Variants in LCORL observed in about 807,000 individuals in gnomAD.
LCORL encodes ligand dependent nuclear receptor corepressor like.
Under a neutral mutation model 141.8 loss-of-function variants are expected in LCORL, and 41 were observed. The observed-to-expected ratio is 0.29, with a 90% CI of 0.23 to 0.38. The LOEUF (loss-of-function observed/expected upper bound fraction) is 0.38. LCORL is among the 10% of genes least tolerant of loss of function. The pLI is 1.00. For missense variants in LCORL, 1,759 were observed against 2,035.0 expected (o/e 0.86, Z 2.61); for synonymous variants, 618 against 694.1 (o/e 0.89, Z 1.72).
intron 5 of LCORL, among the ~76,000 whole-genome samples, chr4:17,899,062 G>A (rs911525883): frequency 1.3e-5 from 2 of 152,016 alleles, no homozygotes; most frequent in African/African-American, 4.8e-5. Flanking sequence ...CTATGTTTAA[G>A]GGCTTTTAAA....
chr4:17,987,970 T>C (rs540728756), intron 1 of LCORL, among the ~76,000 whole-genome samples: 22 of 152,340 alleles, frequency 1.4e-4, no homozygotes, highest in Admixed American at 3.9e-4. Flanking sequence ...TTTGGCTCTG[T>C]GTCCCCACCC....
chr4:17,959,047 C>T (rs1426393123), intron 4 of LCORL, among the ~76,000 whole-genome samples: 1 of 152,038 alleles, frequency 6.6e-6, no homozygotes, highest in Non-Finnish European at 1.5e-5. Flanking sequence ...TGACTAGCTT[C>T]TAAATACAAT....
At chr4:17,911,413 G>A (rs1314938627) in intron 4 of LCORL, among the ~76,000 whole-genome samples, 2 of 152,180 alleles carry the variant, frequency 1.3e-5, no homozygotes, top group Admixed American at 6.5e-5. Flanking sequence ...TGTGTAAACG[G>A]CATCTAGTTT....
chr4:17,884,433 T>C lies in LCORL; in HGVS notation c.776+1635A>G. The C allele has an allele frequency of 6.5e-7, 1 of 1,550,156 alleles. No homozygotes were observed. Among genetic ancestry groups the C allele is most frequent in the South Asian group, 1.2e-5 (1 of 83,936 alleles). Reference sequence around the variant, plus strand: ...TTTATTTCTGAGGTTTCAAGTAGATTGAGTTTACTTTTTTCTGTGCGCTCT... The same window carrying C: ...TTTATTTCTGAGGTTTCAAGTAGATCGAGTTTACTTTTTTCTGTGCGCTCT... On this transcript the variant is annotated intron_variant, in intron 6 of 7. Coordinates refer to ENST00000635767, the Ensembl canonical transcript of LCORL. This position sits in a 1 kb window ranked among gnomAD's most constrained non-coding sequence, Gnocchi z 4.4.
At chr4:17,921,319 G>A (rs545003030) in intron 4 of LCORL, among the ~76,000 whole-genome samples, 17 of 152,148 alleles carry the variant, frequency 1.1e-4, no homozygotes, top group Admixed American at 3.9e-4. Flanking sequence ...TTGAGCCACC[G>A]CACCCAACCG....
intron 7 of LCORL, among the ~76,000 whole-genome samples, chr4:17,858,464 C>T (rs1249975742): frequency 6.6e-6 from 1 of 151,898 alleles, no homozygotes; most frequent in Non-Finnish European, 1.5e-5. Context: ...GTGGCTTATG[C>T]CTGTAATCCC....
At chr4:17,876,549 A>G (rs1429747872) in exon 7 of LCORL, 42 of 1,230,920 alleles carry the variant, frequency 3.4e-5, no homozygotes, top group Non-Finnish European at 4.0e-5. Flanking sequence ...TTCAATGTGA[A>G]TATTTTTCAC....
intron 4 of LCORL, among the ~76,000 whole-genome samples, chr4:17,954,506 T>C (rs1005497324): frequency 3.3e-5 from 5 of 152,168 alleles, no homozygotes; most frequent in African/African-American, 1.2e-4. Context: ...AGCCACTAAA[T>C]GTTTTTGGAC....
At chr4:17,916,643 CTTTTTTTTTTTTT>C (rs1057287592) in intron 4 of LCORL, among the ~76,000 whole-genome samples, 1 of 113,134 alleles carries the variant, frequency 8.8e-6, no homozygotes, top group Non-Finnish European at 1.8e-5. Context: ...AATTAAATGT[CTTTTTTTTTTTTT>C]TTTTTTTTTT....
exon 7 of LCORL, chr4:17,874,524 A>G (rs1726711302): frequency 4.1e-6 from 5 of 1,233,782 alleles, no homozygotes; most frequent in Non-Finnish European, 5.1e-6. Context: ...TACAGGTGAA[A>G]CTTCAAGTTC....
At chr4:17,845,948 G>A in intron 7 of LCORL, 47 bp from the exon 8 acceptor site, 2 of 1,460,564 alleles carry the variant, frequency 1.4e-6, no homozygotes, top group Non-Finnish European at 1.9e-6. Flanking sequence ...TAATTTCAAA[G>A]TAATTATCAA....
At chr4:17,980,481 T>G (rs2109715619) in intron 1 of LCORL, among the ~76,000 whole-genome samples, 1 of 152,324 alleles carries the variant, frequency 6.6e-6, no homozygotes, top group East Asian at 1.9e-4. Flanking sequence ...AGAATTGTGA[T>G]CCTCTTGTTT....
intron 7 of LCORL, among the ~76,000 whole-genome samples, chr4:17,847,430 TACCACC>T (rs1723062872): frequency 6.6e-6 from 1 of 152,176 alleles, no homozygotes; most frequent in South Asian, 2.1e-4. Context: ...TATCCTGTTT[TACCACC>T]ACTAACATAT....
At position 17,843,405 on chromosome 4, in the gene LCORL, CTCAATGAAGA is replaced by C. The variant is rs781131210; in HGVS notation, c.*2473_*2482del. ...AAGTAAACTTAACCTTGCCCAATTT[CTCAATGAAGA>C]TCTAAGTTAGGAAAGACGATGGAGG... On this transcript the variant is annotated 3_prime_UTR_variant, in exon 8 of 8. Coordinates refer to ENST00000635767, the Ensembl canonical transcript of LCORL. 1.8e-5 allele frequency: 29 copies of C among 1,611,322 alleles called. No homozygotes were observed. The South Asian group carries it at 2.1e-4, about 12-fold the overall frequency.
At chr4:17,878,237 A>G (rs1727118637) in intron 6 of LCORL, 24 bp from the exon 7 acceptor site, 1 of 1,224,194 alleles carries the variant, frequency 8.2e-7, no homozygotes, top group Non-Finnish European at 1.0e-6. Flanking sequence ...TCAAACAAAA[A>G]ATGAATTGCA....
chr4:17,929,459 A>T (rs1002316526), intron 4 of LCORL, among the ~76,000 whole-genome samples: 2 of 152,224 alleles, frequency 1.3e-5, no homozygotes, highest in African/African-American at 4.8e-5. Flanking sequence ...CCAAACATAA[A>T]CGCACTCATA....
Position 17,873,385 on chromosome 4 carries a change from T to C in LCORL, c.5602+3A>G. 1 of 1,233,268 alleles carries C rather than the reference T, an allele frequency of 8.1e-7. No individual in the cohort carries two copies. The allele number at this position is 1,233,268 out of a possible 1,614,324, so 76.4% of individuals were successfully genotyped here. A position where few individuals can be genotyped will look rare whatever the true frequency, so the allele number is the denominator to read the frequency against. ...CTTTAAAATTAAGTAGAGAAGAACTTACCTAGGGATTTGGAAAAATAGTTT... is the reference window on the plus strand; with the variant it reads ...CTTTAAAATTAAGTAGAGAAGAACTCACCTAGGGATTTGGAAAAATAGTTT... On this transcript the variant is annotated splice_donor_region_variant and intron_variant, in intron 7 of 7. Coordinates refer to ENST00000635767, the Ensembl canonical transcript of LCORL.
exon 7 of LCORL, chr4:17,874,239 T>C: frequency 1.6e-6 from 2 of 1,233,906 alleles, no homozygotes; most frequent in Admixed American, 4.2e-5. Context: ...ACTTTTCACA[T>C]TTAAGAGTGG....
intron 4 of LCORL, among the ~76,000 whole-genome samples, chr4:17,936,196 T>C (rs1228821670): frequency 6.6e-6 from 1 of 152,084 alleles, no homozygotes; most frequent in Non-Finnish European, 1.5e-5. Flanking sequence ...GATCCAAATA[T>C]AAAAGAAATT....
Sources: gnomAD v4.1 joint callset for allele counts (sites outside exome capture counted in the v4.1 genomes callset) on GRCh38, gnomAD v4.1.1 for gene constraint, Gnocchi (gnomAD v3.1) non-coding constraint, MANE v1.5 for transcripts, NCBI Gene and HGNC (gene_info 2026-07-23, HGNC 2026-07-21) for gene names.